The following UNC80 variants were observed in gnomAD, a reference collection of about 807,000 sequenced individuals.
UNC80 encodes the protein unc-80 subunit of NALCN channel complex, also known as protein unc-80 homolog.
Under a neutral mutation model 384.6 loss-of-function variants are expected in UNC80, and 164 were observed. That is an observed-to-expected ratio of 0.43 (90% CI 0.38 to 0.49). The LOEUF is 0.49. Among genes scored for constraint, UNC80 ranks in the 20% least tolerant of loss-of-function variants. The pLI is 0.00. For missense variants in UNC80, 3,330 were observed against 4,143.0 expected, an observed-to-expected ratio of 0.80 and a Z score of 5.39; for synonymous variants, 1,486 against 1,527.8, an observed-to-expected ratio of 0.97 and a Z score of 0.64.
chr2:209,986,512 C>G (rs2093291514), intron 61 of UNC80, among the ~76,000 whole-genome samples: 1 of 152,154 alleles, frequency 6.6e-6, no homozygotes. Context: ...GAAATATACA[C>G]AAAGTTTTTG....
At chr2:209,827,038 TGTTGC>T (rs1328824078) in intron 14 of UNC80, among the ~76,000 whole-genome samples, 14 of 152,134 alleles carry the variant, frequency 9.2e-5, no homozygotes, top group African/African-American at 3.4e-4. Flanking sequence ...TATTATATTG[TGTTGC>T]GTTATTTTAG....
intron 14 of UNC80, 112 bp downstream of exon 14, chr2:209,826,165 A>G: frequency 8.2e-7 from 1 of 1,214,462 alleles, no homozygotes; most frequent in Non-Finnish European, 1.1e-6. Flanking sequence ...TGTATTTTGT[A>G]GGAATAATTA....
chr2:209,939,012 C>T (rs556001596), intron 42 of UNC80, among the ~76,000 whole-genome samples: 1 of 152,210 alleles, frequency 6.6e-6, no homozygotes, highest in East Asian at 1.9e-4. Flanking sequence ...GCTTCTGTCC[C>T]AAGATAGGGT....
intron 60 of UNC80, 165 bp downstream of exon 60, chr2:209,982,482 C>G (rs76094828): frequency 1.2e-6 from 1 of 867,704 alleles, no homozygotes; most frequent in South Asian, 3.7e-5. Flanking sequence ...CTGCAGGCAA[C>G]ACTTTGCAGT....
intron 23 of UNC80, among the ~76,000 whole-genome samples, chr2:209,873,812 G>A (rs1297540954): frequency 6.6e-6 from 1 of 152,142 alleles, no homozygotes; most frequent in Non-Finnish European, 1.5e-5. Flanking sequence ...TCTTCCTCCA[G>A]TTTTACCCAT....
chr2:209,979,027 T>TCCTCC (rs2093086799), intron 59 of UNC80, among the ~76,000 whole-genome samples: 1 of 152,138 alleles, frequency 6.6e-6, no homozygotes, highest in Non-Finnish European at 1.5e-5. Flanking sequence ...GGCGGGTGGA[T>TCCTCC]CACCTGAGGT....
intron 31 of UNC80, among the ~76,000 whole-genome samples, chr2:209,917,161 C>T (rs1046236715): frequency 3.3e-5 from 5 of 152,168 alleles, no homozygotes; most frequent in African/African-American, 1.2e-4. Flanking sequence ...GCCACTGGCT[C>T]CTCTATCTGT....
intron 3 of UNC80, among the ~76,000 whole-genome samples, chr2:209,776,785 A>T (rs1489771732): frequency 1.3e-5 from 2 of 152,208 alleles, no homozygotes; most frequent in African/African-American, 2.4e-5. Context: ...GCACATGTGC[A>T]TAAGAACTAT....
chr2:209,984,055 T>G (rs535677983), intron 60 of UNC80, among the ~76,000 whole-genome samples: 1 of 152,264 alleles, frequency 6.6e-6, no homozygotes, highest in East Asian at 1.9e-4. Flanking sequence ...ATTTATTGCC[T>G]CACAGATGCT....
chr2:209,960,625 A>T (rs1267670848), intron 51 of UNC80, among the ~76,000 whole-genome samples: 1 of 152,202 alleles, frequency 6.6e-6, no homozygotes, highest in African/African-American at 2.4e-5. Context: ...CCTTTTTTTA[A>T]ATTTAGAAAG....
intron 29 of UNC80, among the ~76,000 whole-genome samples, chr2:209,906,939 TAC>T (rs2088293748): frequency 1.3e-5 from 2 of 152,194 alleles, no homozygotes; most frequent in Non-Finnish European, 2.9e-5. Flanking sequence ...TTGTTCTCCA[TAC>T]ACACTTCAGA....
At chr2:209,930,938 G>A in intron 37 of UNC80, 30 bp from the exon 38 acceptor site, 1 of 1,465,294 alleles carries the variant, frequency 6.8e-7, no homozygotes, top group Non-Finnish European at 9.3e-7. Context: ...GCAGCTGAAG[G>A]AAACATTAAA....
intron 7 of UNC80, among the ~76,000 whole-genome samples, chr2:209,803,171 G>C (rs1265566740): frequency 6.6e-6 from 1 of 152,054 alleles, no homozygotes; most frequent in Non-Finnish European, 1.5e-5. Flanking sequence ...ATATTTTATT[G>C]GTCATAAATA....
At chr2:209,887,009 G>A (rs766617943) in intron 25 of UNC80, among the ~76,000 whole-genome samples, 1 of 151,874 alleles carries the variant, frequency 6.6e-6, no homozygotes, top group Non-Finnish European at 1.5e-5. Context: ...TTGGCTTATA[G>A]CCCTTTCCTT....
At chr2:209,810,464 TTAAAA>T (rs1309083908) in intron 7 of UNC80, among the ~76,000 whole-genome samples, 1 of 152,164 alleles carries the variant, frequency 6.6e-6, no homozygotes, top group Non-Finnish European at 1.5e-5. Context: ...AGAATGTTGT[TTAAAA>T]TAAAGATTCC....
chr2:209,964,539 A>C (rs1401509722), intron 51 of UNC80, among the ~76,000 whole-genome samples: 1 of 152,192 alleles, frequency 6.6e-6, no homozygotes, highest in Non-Finnish European at 1.5e-5. Context: ...CTGTAATCCC[A>C]GCACTTTGGG....
intron 29 of UNC80, 89 bp from the exon 30 acceptor site, chr2:209,912,471 T>C (rs1328004517): frequency 2.8e-6 from 2 of 721,448 alleles, no homozygotes; most frequent in African/African-American, 3.7e-5. Context: ...CACTAGAAGA[T>C]GGTTGCCTGG....
At chr2:209,874,279 T>C (rs1487833359) in intron 23 of UNC80, among the ~76,000 whole-genome samples, 1 of 152,204 alleles carries the variant, frequency 6.6e-6, no homozygotes, top group Non-Finnish European at 1.5e-5. Context: ...GTAATCTCTT[T>C]AATGTGGAGA....
intron 34 of UNC80, among the ~76,000 whole-genome samples, chr2:209,921,924 T>A (rs888418054): frequency 6.6e-6 from 1 of 152,202 alleles, no homozygotes; most frequent in Non-Finnish European, 1.5e-5. Context: ...CTGAATCCAG[T>A]ATGTGTATTA....
Sources: gnomAD v4.1 joint callset for allele counts (sites outside exome capture counted in the v4.1 genomes callset) on GRCh38, gnomAD v4.1.1 for gene constraint, MANE v1.5 for transcripts, NCBI Gene and HGNC (gene_info 2026-07-23, HGNC 2026-07-21) for gene names.